Variants in CLEC12A observed in about 807,000 individuals in gnomAD.
The protein encoded by CLEC12A is C-type lectin domain family 12 member A, also known as C-type lectin protein CLL-1.
Under a neutral mutation model 26.5 loss-of-function variants are expected in CLEC12A, and 22 were observed. That is an observed-to-expected ratio of 0.83 (90% CI 0.59 to 1.19). The LOEUF (loss-of-function observed/expected upper bound fraction) is 1.19. CLEC12A is among the 50% of genes most tolerant of loss of function. CLEC12A has a pLI of 0.00. For synonymous variants in CLEC12A, 119 were observed against 101.9 expected, an observed-to-expected ratio of 1.17 and a Z score of -1.01; for missense variants, 353 against 315.6, an observed-to-expected ratio of 1.12 and a Z score of -0.90.
At chr12:9,967,084 G>A (rs1197075425), upstream of CLEC12A, among the ~76,000 whole-genome samples, 2 of 151,934 alleles carry the variant, frequency 1.3e-5, no homozygotes, top group East Asian at 3.9e-4. Flanking sequence ...GGTGATAAAA[G>A]GATTACAGGG....
At chr12:9,951,346 C>T in exon 1 of CLEC12A, 1 of 703,010 alleles carries the variant, frequency 1.4e-6, no homozygotes, top group South Asian at 1.5e-5. Flanking sequence ...TTGACTTCTG[C>T]ATGTGGATAG....
At chr12:9,966,744 C>T (rs1253179695), upstream of CLEC12A, among the ~76,000 whole-genome samples, 1 of 148,672 alleles carries the variant, frequency 6.7e-6, no homozygotes, top group Non-Finnish European at 1.5e-5. Context: ...GGTTTGAGGA[C>T]TGGAATTTAA....
chr12:9,993,585 G>A (rs763639918), intron 4 of CLEC12A, among the ~76,000 whole-genome samples: 1 of 152,000 alleles, frequency 6.6e-6, no homozygotes, highest in Non-Finnish European at 1.5e-5. Context: ...ATGGGAAAAC[G>A]CATTATCTAC....
rs145065053 is a variant in CLEC12A at position 9,951,513 on chromosome 12, T to C, written c.10+157T>C. The C allele has an allele frequency of 9.5e-5, 62 of 649,712 alleles. No homozygotes were observed. The East Asian group carries it at 1.5e-3, about 15-fold the overall frequency. The allele number at this position is 649,712 out of a possible 1,614,324, so 40.2% of individuals were successfully genotyped here. On this transcript the variant is annotated intron_variant, in intron 1 of 6. Coordinates refer to the CLEC12A transcript ENST00000355690. Reference sequence around the variant, plus strand: ...AGACACTCTTGGGGCTTGTTAGTAATTGAGTATGTGTCTGGATAAGTGAGT... The same window carrying C: ...AGACACTCTTGGGGCTTGTTAGTAACTGAGTATGTGTCTGGATAAGTGAGT...
intron 1 of CLEC12A, among the ~76,000 whole-genome samples, chr12:9,965,799 G>A (rs972590520): frequency 1.8e-4 from 28 of 152,068 alleles, no homozygotes; most frequent in African/African-American, 3.4e-4. Context: ...CTTTTAAAGC[G>A]TGCTGTGGGA....
Position 9,979,474 on chromosome 12 carries a change from T to A in CLEC12A, c.329T>A (p.Leu110Gln). 1.9e-6 allele frequency: 3 copies of A among 1,613,432 alleles called. No individual in the cohort carries two copies. The South Asian group carries it at 3.3e-5, about 18-fold the overall frequency. ...SNKIRNLSTTLQTIATKLCRE... is the reference protein window; with the variant it reads ...SNKIRNLSTTQQTIATKLCRE... ...AAGATCAGGAACCTCTCCACCACAC[T>A]GCAAACAATAGCCACCAAATTATGT... Residue 110 changes from leucine (L) to glutamine (Q), a missense_variant, in exon 3 of 6, where the codon CTG becomes CAG. Coordinates refer to ENST00000304361, the MANE Select transcript of CLEC12A (RefSeq NM_138337.6).
At chr12:10,005,330 C>T in the CLEC12A span, among the ~76,000 whole-genome samples, 2 of 152,104 alleles carry the variant, frequency 1.3e-5, no homozygotes, top group Non-Finnish European at 2.9e-5. Context: ...GTGATATAAT[C>T]GAGTTCTTCT....
chr12:10,001,930 A>C, the CLEC12A span, among the ~76,000 whole-genome samples: 155 of 140,694 alleles, frequency 1.1e-3, no homozygotes, highest in South Asian at 1.8e-3. Flanking sequence ...TCCAGGCTGG[A>C]GTGCAGTGGC....
chr12:9,958,304 A>G (rs1863775253), intron 1 of CLEC12A, among the ~76,000 whole-genome samples: 1 of 152,242 alleles, frequency 6.6e-6, no homozygotes, highest in Non-Finnish European at 1.5e-5. Flanking sequence ...AGATGGGTAC[A>G]TATAATCCGG....
upstream of CLEC12A, among the ~76,000 whole-genome samples, chr12:9,967,033 A>G (rs192932019): frequency 7.4e-4 from 112 of 151,866 alleles, no homozygotes; most frequent in Non-Finnish European, 1.4e-3. Context: ...AGGGCTAGTC[A>G]TGGAATGAAA....
chr12:9,987,744 G>C (rs576358541), downstream of CLEC12A, among the ~76,000 whole-genome samples: 1 of 151,482 alleles, frequency 6.6e-6, no homozygotes, highest in African/African-American at 2.4e-5. Flanking sequence ...GTATGTTTTT[G>C]TTTGTTTTTT....
downstream of CLEC12A, among the ~76,000 whole-genome samples, chr12:9,986,414 TCC>T (rs34237394): frequency 1.5e-3 from 179 of 117,508 alleles, 1 homozygote; most frequent in Middle Eastern, 5.1e-3. Flanking sequence ...AATTCCTTTA[TCC>T]CCCCCCCCCT....
At chr12:10,002,765 A>G in the CLEC12A span, among the ~76,000 whole-genome samples, 1 of 152,166 alleles carries the variant, frequency 6.6e-6, no homozygotes, top group Non-Finnish European at 1.5e-5. Context: ...TTTAATCATT[A>G]CACTTCTTGT....
At chr12:10,003,427 G>T in the CLEC12A span, among the ~76,000 whole-genome samples, 1 of 152,104 alleles carries the variant, frequency 6.6e-6, no homozygotes, top group African/African-American at 2.4e-5. Context: ...AGTTGATCAG[G>T]CATATGTATA....
chr12:9,978,588 G>T (rs981655923), intron 1 of CLEC12A, among the ~76,000 whole-genome samples: 11 of 152,052 alleles, frequency 7.2e-5, no homozygotes, highest in Admixed American at 2.0e-4. Flanking sequence ...TCTCCTATTG[G>T]CTTCTCTGTT....
chr12:9,976,342 C>T (rs1487559905), intron 1 of CLEC12A, among the ~76,000 whole-genome samples: 1 of 152,170 alleles, frequency 6.6e-6, no homozygotes, highest in Non-Finnish European at 1.5e-5. Flanking sequence ...AGCAGAGCTG[C>T]CCAAAGACAT....
At position 9,980,703 on chromosome 12, in the gene CLEC12A, C is replaced by A; in HGVS notation, c.501C>A (p.Ser167Arg). 1.2e-6 allele frequency: 2 copies of A among 1,613,560 alleles called. No homozygotes were observed. The highest frequency in any genetic ancestry group is 2.2e-5 in the South Asian group (2 of 91,052). The change falls in exon 4 of 6, where the codon AGC (serine) becomes AGA (arginine). Residue 167 changes from serine to arginine, a missense_variant. Transcript: ENST00000304361. ...SKMACAAQNASLLKINNKNAL... is the reference protein window; with the variant it reads ...SKMACAAQNARLLKINNKNAL... ...TGGCCTGTGCTGCTCAGAATGCCAGCCTGTTGAAGATAAACAACAAAAATG... is the reference window on the plus strand; with the variant it reads ...TGGCCTGTGCTGCTCAGAATGCCAGACTGTTGAAGATAAACAACAAAAATG...
At chr12:9,952,315 G>A (rs1231438569) in intron 1 of CLEC12A, among the ~76,000 whole-genome samples, 1 of 150,490 alleles carries the variant, frequency 6.6e-6, no homozygotes, top group Non-Finnish European at 1.5e-5. Flanking sequence ...CCTGCCGAGT[G>A]CCTGCGATTG....
intron 1 of CLEC12A, among the ~76,000 whole-genome samples, chr12:9,956,832 C>T (rs971311612): frequency 3.9e-5 from 6 of 152,164 alleles, no homozygotes; most frequent in Non-Finnish European, 8.8e-5. Flanking sequence ...TAATCTTTGA[C>T]CTATGGCAAC....
Sources: allele counts gnomAD v4.1 joint callset (sites outside exome capture counted in the v4.1 genomes callset), GRCh38; gene constraint gnomAD v4.1.1; transcripts MANE v1.5; gene names NCBI Gene and HGNC (gene_info 2026-07-23, HGNC 2026-07-21).